PTRH1: variants seen among roughly 807,000 people sequenced by gnomAD.
PTRH1 encodes peptidyl-tRNA hydrolase 1 homolog, also known as peptidyl-tRNA hydrolase.
PTRH1 carries 13 observed loss-of-function variants against 15.7 expected under a neutral mutation model. The ratio of observed to expected loss-of-function variants is 0.83; its 90% CI spans 0.54 to 1.31. PTRH1 has a LOEUF of 1.31. Among genes scored for constraint, PTRH1 ranks in the 40% most tolerant of loss-of-function variants. PTRH1 has a pLI of 0.00. For missense variants in PTRH1, 319 were observed against 296.2 expected (o/e 1.08, Z -0.56); for synonymous variants, 139 against 136.7 (o/e 1.02, Z -0.12).
chr9:127,710,059 G>C (rs1196305502), downstream of PTRH1, among the ~76,000 whole-genome samples: 1 of 152,158 alleles, frequency 6.6e-6, no homozygotes, highest in Non-Finnish European at 1.5e-5. Context: ...GATTGCTTGA[G>C]CCCAGGAGCT....
chr9:127,708,989 C>T (rs1233139668), downstream of PTRH1, among the ~76,000 whole-genome samples: 4 of 152,234 alleles, frequency 2.6e-5, no homozygotes, highest in Admixed American at 2.6e-4. Context: ...GGTTCAAGTC[C>T]TGGCTGTGCC....
downstream of PTRH1, chr9:127,711,712 T>C (rs1262000713): frequency 7.6e-7 from 1 of 1,320,462 alleles, no homozygotes; most frequent in Non-Finnish European, 1.0e-6. Context: ...AGTCCAGCCC[T>C]GGAGAGCTCA....
chr9:127,715,283 G>A lies in PTRH1; in HGVS notation c.97-89C>T. Reference sequence around the variant, plus strand: ...CCGTGGGCCCCAACGCAGAGGAGCGGAAACGCAGAGCAACGCTGCAGTGGG... The same window carrying A: ...CCGTGGGCCCCAACGCAGAGGAGCGAAAACGCAGAGCAACGCTGCAGTGGG... On this transcript the variant is annotated intron_variant, in intron 1 of 4. Transcript: ENST00000543175. The surrounding 1 kb of genome is among the most constrained non-coding windows in gnomAD (Gnocchi z 5.8). The A allele has an allele frequency of 7.0e-7, 1 of 1,418,638 alleles. No individual in the cohort carries two copies. Among genetic ancestry groups the A allele is most frequent in the Non-Finnish European group, 9.6e-7 (1 of 1,039,724 alleles). The allele number at this position is 1,418,638 out of a possible 1,614,324, so 87.9% of individuals were successfully genotyped here. A position where few individuals can be genotyped will look rare whatever the true frequency, so the allele number is the denominator to read the frequency against.
At chr9:127,695,053 T>TTGATGA (rs57076743) in exon 2 of PTRH1, 52,075 of 670,918 alleles carry the variant, frequency 0.078, 1,349 homozygotes, top group South Asian at 0.12. Context: ...GGCTCAGCCA[T>TTGATGA]TGATGATGAT....
Position 127,713,991 on chromosome 9 carries a change from C to T in PTRH1, c.*109G>A. The T allele has an allele frequency of 6.3e-7, 1 of 1,577,558 alleles. No homozygotes were observed. Among genetic ancestry groups the T allele is most frequent in the Non-Finnish European group, 8.7e-7 (1 of 1,147,986 alleles). On this transcript the variant is annotated 3_prime_UTR_variant, in exon 5 of 5. Coordinates refer to ENST00000543175, the MANE Select transcript of PTRH1 (RefSeq NM_001002913.3). Reference sequence around the variant, plus strand: ...TAATCCGCAGGCAGCCTGGAACAGTCTAGAGGAGATTTGTATAAAAAGTAG... The same window carrying T: ...TAATCCGCAGGCAGCCTGGAACAGTTTAGAGGAGATTTGTATAAAAAGTAG...
intron 1 of PTRH1, among the ~76,000 whole-genome samples, chr9:127,696,467 CAT>C (rs1489879830): frequency 2.6e-5 from 4 of 152,242 alleles, no homozygotes; most frequent in Admixed American, 2.6e-4. Context: ...AGCAAAACCA[CAT>C]AGAGACAAAG....
At chr9:127,713,731 T>G, downstream of PTRH1, 3 of 926,480 alleles carry the variant, frequency 3.2e-6, no homozygotes, top group Non-Finnish European at 5.3e-6. Flanking sequence ...GGTCTCGAAC[T>G]CCTGACGTCA....
intron 1 of PTRH1, among the ~76,000 whole-genome samples, chr9:127,697,167 T>C (rs1842567849): frequency 6.6e-6 from 1 of 152,180 alleles, no homozygotes; most frequent in Non-Finnish European, 1.5e-5. Context: ...TTTCAATCAA[T>C]TTCAACTGAA....
At chr9:127,701,768 G>A (rs889447845) in intron 1 of PTRH1, among the ~76,000 whole-genome samples, 2 of 152,144 alleles carry the variant, frequency 1.3e-5, no homozygotes, top group East Asian at 3.9e-4. Context: ...CACAAAATTA[G>A]TCGGGCGTGG....
chr9:127,715,457 A>AT lies in PTRH1; in HGVS notation c.96+86dup. On this transcript the variant is annotated intron_variant, in intron 1 of 4. Coordinates refer to ENST00000543175, the MANE Select transcript of PTRH1 (RefSeq NM_001002913.3). The surrounding 1 kb of genome is among the most constrained non-coding windows in gnomAD (Gnocchi z 5.8). ...CACCAGTTAAGAAAACAGAGCAGCA[A>AT]TTTGGGGGCACTCGGCTCCCGGGAC... The AT allele has an allele frequency of 1.3e-6, 2 of 1,573,344 alleles. No homozygotes were observed. Among genetic ancestry groups the AT allele is most frequent in the Non-Finnish European group, 1.7e-6 (2 of 1,150,588 alleles).
At chr9:127,703,312 G>A (rs1431486289) in intron 1 of PTRH1, among the ~76,000 whole-genome samples, 4 of 151,922 alleles carry the variant, frequency 2.6e-5, no homozygotes, top group Admixed American at 2.6e-4. Context: ...TGGGTATGGT[G>A]GTGCACACCT....
exon 2 of PTRH1, chr9:127,695,033 G>A: frequency 1.4e-6 from 1 of 702,354 alleles, no homozygotes; most frequent in Non-Finnish European, 2.6e-6. Context: ...CTCCCAGGAA[G>A]CACAGTGAGG....
At position 127,715,300 on chromosome 9, in the gene PTRH1, T is replaced by C. The variant is rs1281627581; in HGVS notation, c.97-106A>G. The C allele has an allele frequency of 1.5e-6, 2 of 1,362,558 alleles. No homozygotes were observed. The highest frequency in any genetic ancestry group is 2.0e-6 in the Non-Finnish European group (2 of 988,708). 84.4% of individuals were successfully genotyped at this position (1,362,558 alleles called of 1,614,324 possible). ...GAGGAGCGGAAACGCAGAGCAACGC[T>C]GCAGTGGGGAAGGGGCGCGAAGAAG... On this transcript the variant is annotated intron_variant, in intron 1 of 4. Coordinates refer to ENST00000543175, the MANE Select transcript of PTRH1 (RefSeq NM_001002913.3). This position sits in a 1 kb window ranked among gnomAD's most constrained non-coding sequence, Gnocchi z 5.8.
intron 1 of PTRH1, among the ~76,000 whole-genome samples, chr9:127,708,714 A>G (rs1249378604): frequency 6.6e-6 from 1 of 152,210 alleles, no homozygotes; most frequent in African/African-American, 2.4e-5. Context: ...GAGGAGAGGG[A>G]CATGTTACTA....
At chr9:127,694,458 C>T (rs1387054841) in intron 2 of PTRH1, among the ~76,000 whole-genome samples, 11 of 152,286 alleles carry the variant, frequency 7.2e-5, no homozygotes, top group African/African-American at 2.2e-4. Flanking sequence ...CCTGTCACCT[C>T]TCTCCATTCT....
Position 127,714,037 on chromosome 9 carries a change from G to T in PTRH1, c.*63C>A. ...AGTAGATACCAAGGCTGGCGTGGCAGCTCTGTGGCAGTGGCTGGGTTGGTG... is the reference window on the plus strand; with the variant it reads ...AGTAGATACCAAGGCTGGCGTGGCATCTCTGTGGCAGTGGCTGGGTTGGTG... On this transcript the variant is annotated 3_prime_UTR_variant, in exon 5 of 5. Transcript: ENST00000543175. 1 of 1,591,670 alleles carries T rather than the reference G, an allele frequency of 6.3e-7. No homozygotes were observed. The highest frequency in any genetic ancestry group is 1.1e-5 in the South Asian group (1 of 90,276).
In PTRH1 at chr9:127,705,316, T is replaced by G. The variant is rs970137089; in HGVS notation, c.205+10119A>C. Among the ~76,000 whole-genome samples the G allele has an allele frequency of 6.6e-6, 1 of 152,240 alleles. No individual in the cohort carries two copies. ...AGCTGGAGAAGCGATAATGAGACAG[T>G]GCCCCCATGGCAAGTAGCGGCCTAT... On this transcript the variant is annotated intron_variant, in intron 1 of 2. Coordinates refer to the PTRH1 transcript ENST00000335223. The surrounding 1 kb of genome is among the most constrained non-coding windows in gnomAD (Gnocchi z 4.7).
rs114932323 is a variant in PTRH1 at position 127,705,208 on chromosome 9, A to C, written c.206-10067T>G. Reference sequence around the variant, plus strand: ...TGTGCACTGCCTGACTCCCCTCAGAAGACCCAGCTCCTGCAGGGTTTGTGT... The same window carrying C: ...TGTGCACTGCCTGACTCCCCTCAGACGACCCAGCTCCTGCAGGGTTTGTGT... On this transcript the variant is annotated intron_variant, in intron 1 of 2. Transcript: ENST00000335223. This position sits in a 1 kb window ranked among gnomAD's most constrained non-coding sequence, Gnocchi z 4.7. 2.9e-3 allele frequency among the ~76,000 whole-genome samples: 442 copies of C among 152,248 alleles called. 2 individuals are homozygous for C. The highest frequency in any genetic ancestry group is 0.01 in the African/African-American group (428 of 41,556).
In PTRH1 at chr9:127,696,977, A is replaced by G. The variant is rs185145318; in HGVS notation, c.206-1836T>C. ...CTCTTCAAGGATGATGATTTTACAC[A>G]AGCAGCAAAAAAGAAGAAAAAGAGT... On this transcript the variant is annotated intron_variant, in intron 1 of 2. Coordinates refer to the PTRH1 transcript ENST00000335223. Among the ~76,000 whole-genome samples, 29 of 152,320 alleles carry G rather than the reference A, an allele frequency of 1.9e-4. 1 individual carries two copies. The East Asian group carries it at 5.4e-3, about 28-fold the overall frequency.
Sources: allele counts gnomAD v4.1 joint callset (sites outside exome capture counted in the v4.1 genomes callset), GRCh38; gene constraint gnomAD v4.1.1; non-coding constraint Gnocchi (gnomAD v3.1); transcripts MANE v1.5; gene names NCBI Gene and HGNC (gene_info 2026-07-23, HGNC 2026-07-21).